Variants in VWDE observed in about 807,000 individuals in gnomAD.
VWDE encodes von Willebrand factor D and EGF domains.
A neutral mutation model predicts 178.4 loss-of-function variants in VWDE; 207 were observed. The ratio of observed to expected loss-of-function variants is 1.16; its 90% CI spans 1.04 to 1.30. The LOEUF (loss-of-function observed/expected upper bound fraction) is 1.30, where lower values mean the gene tolerates loss of function less well. Among genes scored for constraint, VWDE ranks in the 50% most tolerant of loss-of-function variants. The probability of loss-of-function intolerance (pLI) is 0.00; values close to 1 mark genes in which losing one functional copy is unlikely to be tolerated. For missense variants in VWDE, 2,287 were observed against 1,901.3 expected, an observed-to-expected ratio of 1.20 and a Z score of -3.77; for synonymous variants, 738 against 651.4, an observed-to-expected ratio of 1.13 and a Z score of -2.02.
intron 2 of VWDE, among the ~76,000 whole-genome samples, chr7:12,390,026 G>A (rs571413417): frequency 2.3e-4 from 35 of 152,166 alleles, no homozygotes; most frequent in African/African-American, 8.4e-4. Flanking sequence ...TTAGCCGGGT[G>A]TGGTGGCGTG....
At chr7:12,331,963 C>G (rs1448794781) in intron 28 of VWDE, among the ~76,000 whole-genome samples, 1 of 152,090 alleles carries the variant, frequency 6.6e-6, no homozygotes, top group African/African-American at 2.4e-5. Context: ...TCAGTAAGCT[C>G]CATTTCTTTT....
At chr7:12,388,798 T>G in intron 3 of VWDE, 1 of 414,906 alleles carries the variant, frequency 2.4e-6, no homozygotes, top group South Asian at 2.3e-5. Flanking sequence ...TTATGATAAC[T>G]TTTACTCACC....
chr7:12,343,284 A>T, intron 21 of VWDE, 106 bp from the exon 22 acceptor site: 1 of 734,948 alleles, frequency 1.4e-6, no homozygotes, highest in Middle Eastern at 3.2e-4. Context: ...AGTAATTTAT[A>T]ATACATTAAG....
At chr7:12,353,250 C>T (rs1212365047) in intron 18 of VWDE, among the ~76,000 whole-genome samples, 1 of 152,158 alleles carries the variant, frequency 6.6e-6, no homozygotes, top group Non-Finnish European at 1.5e-5. Context: ...GGCTTGAAGA[C>T]GGCCACTTTC....
Position 12,369,437 on chromosome 7 carries a change from T to C in VWDE, c.2761+108A>G, listed in dbSNP as rs188627679. On this transcript the variant is annotated intron_variant, in intron 12 of 28. Coordinates refer to ENST00000275358, the MANE Select transcript of VWDE (RefSeq NM_001135924.3). Reference sequence around the variant, plus strand: ...TAATATGATTTGGAGGTTTTCTCTATAAAATCTGAATAAACACTGTTAGGA... The same window carrying C: ...TAATATGATTTGGAGGTTTTCTCTACAAAATCTGAATAAACACTGTTAGGA... 23 of 1,338,882 alleles carry C rather than the reference T, an allele frequency of 1.7e-5. No individual in the cohort carries two copies. The Admixed American group carries it at 6.6e-4, about 39-fold the overall frequency. 82.9% of individuals were successfully genotyped at this position (1,338,882 alleles called of 1,614,324 possible).
intron 4 of VWDE, among the ~76,000 whole-genome samples, chr7:12,381,210 A>G (rs990352045): frequency 2.0e-5 from 3 of 152,164 alleles, no homozygotes; most frequent in African/African-American, 7.2e-5. Context: ...TGCAGAGGTG[A>G]TTATACTATC....
intron 23 of VWDE, among the ~76,000 whole-genome samples, chr7:12,341,333 T>C (rs1337852857): frequency 6.6e-6 from 1 of 152,128 alleles, no homozygotes; most frequent in African/African-American, 2.4e-5. Context: ...CAAACATTGC[T>C]GCCAAAGAAA....
chr7:12,353,961 G>C (rs892350651), intron 18 of VWDE: 1 of 153,646 alleles, frequency 6.5e-6, no homozygotes, highest in African/African-American at 2.4e-5. Context: ...TGCCTGGAAT[G>C]CCTTTCTCTC....
At chr7:12,366,690 A>C (rs1437677532) in intron 13 of VWDE, among the ~76,000 whole-genome samples, 3 of 152,226 alleles carry the variant, frequency 2.0e-5, no homozygotes, top group South Asian at 2.1e-4. Context: ...TTAGAGAAAA[A>C]GTAAGAAGAA....
intron 26 of VWDE, among the ~76,000 whole-genome samples, chr7:12,336,460 G>A (rs964223583): frequency 2.0e-5 from 3 of 152,246 alleles, no homozygotes; most frequent in South Asian, 4.1e-4. Flanking sequence ...TGAATGCGTC[G>A]TGATTTAACT....
At chr7:12,364,999 C>G (rs951641609) in intron 13 of VWDE, among the ~76,000 whole-genome samples, 1 of 152,004 alleles carries the variant, frequency 6.6e-6, no homozygotes, top group Non-Finnish European at 1.5e-5. Context: ...AAAAAAGGAA[C>G]ATTCCACAAA....
At position 12,370,050 on chromosome 7, in the gene VWDE, C is replaced by T. The variant is rs1263822038; in HGVS notation, c.2256G>A (p.Arg752=). ...AAGGAGGAAACTCATGAAAGTTCTG[C>T]CGTTTCCATCTGTTTTGTCGATTGT... is the stretch of plus-strand genomic sequence containing the variant. The part of the protein sequence containing the change: ...MRYNRQNRWK[R]QNFHEFPPLF... Residue 752 remains arginine, a synonymous_variant, in exon 12 of 29, where the codon CGG becomes CGA. Transcript: ENST00000275358. 15 of 1,551,504 alleles carry T rather than the reference C, an allele frequency of 9.7e-6. No homozygotes were observed. The East Asian group carries it at 3.7e-4, about 38-fold the overall frequency.
chr7:12,383,710 T>C lies in VWDE; in HGVS notation c.476-109A>G, dbSNP rs1168003385. On this transcript the variant is annotated intron_variant, in intron 3 of 28. Transcript: ENST00000275358. ...AGGATGATTTAATACAGACTAAGACTTTCTTAATTCTTCTCTTATTTCATA... is the reference window on the plus strand; with the variant it reads ...AGGATGATTTAATACAGACTAAGACCTTCTTAATTCTTCTCTTATTTCATA... 8 of 908,706 alleles carry C rather than the reference T, an allele frequency of 8.8e-6. No individual in the cohort carries two copies. In the East Asian group the frequency reaches 2.3e-4, roughly 26 times the overall value. 56.3% of individuals were successfully genotyped at this position (908,706 alleles called of 1,614,324 possible).
chr7:12,342,228 C>T (rs1160781246), intron 22 of VWDE, 74 bp from the exon 23 acceptor site: 1 of 1,088,534 alleles, frequency 9.2e-7, no homozygotes, highest in South Asian at 1.5e-5. Flanking sequence ...ATCTAGCTAG[C>T]TCATAACTGC....
chr7:12,356,304 C>A lies in VWDE; in HGVS notation c.3552G>T (p.Leu1184Phe), dbSNP rs1199369573. Residue 1184 changes from leucine (L) to phenylalanine (F), a missense_variant, in exon 18 of 29, where the codon TTG (leucine) becomes TTT (phenylalanine). Coordinates refer to ENST00000275358, the MANE Select transcript of VWDE (RefSeq NM_001135924.3). ...TATCAGATACACATGATCCACCATT[C>A]AAGCAATCACAAGACTTCACAGTCA... is the stretch of plus-strand genomic sequence containing the variant. The part of the protein sequence containing the change: ...IEVTVKSCDC[L>F]NGGSCVSDRN... The A allele has an allele frequency of 8.4e-6, 13 of 1,551,198 alleles. No individual in the cohort carries two copies. The highest frequency in any genetic ancestry group is 5.9e-5 in the Admixed American group (3 of 50,954).
Position 12,373,159 on chromosome 7 carries a change from TG to T in VWDE, c.1404del (p.Cys468Ter). ...DFEVHVRQWD[C>X]RSLHYPVSCN... ...CATGACACTGGATAGTGAAGGCTTCTGCAGTCCCACTGACGTACATGGACTT... is the reference window on the plus strand; with the variant it reads ...CATGACACTGGATAGTGAAGGCTTCTCAGTCCCACTGACGTACATGGACTT... On this transcript the variant is annotated frameshift_variant, in exon 10 of 29. Coordinates refer to ENST00000275358, the MANE Select transcript of VWDE (RefSeq NM_001135924.3). LOFTEE classifies it high-confidence loss of function. 1 of 1,551,430 alleles carries T rather than the reference TG, an allele frequency of 6.4e-7. No homozygotes were observed.
Position 12,373,069 on chromosome 7 carries a change from GCTGACCATTGCACATATCAAAAGTAA to G in VWDE, c.1469_1494del (p.Val490AlafsTer3). On this transcript the variant is annotated frameshift_variant, in exon 10 of 29. Coordinates refer to ENST00000275358, the MANE Select transcript of VWDE (RefSeq NM_001135924.3). LOFTEE classifies it high-confidence loss of function. ...AACAAATATGGTTGTGATTCACGTA[GCTGACCATTGCACATATCAAAAGTAA>G]CTATATCACCTCCTTCCTGGGCAAC... 6.4e-7 allele frequency: 1 copy of G among 1,551,172 alleles called. No homozygotes were observed. The highest frequency in any genetic ancestry group is 1.4e-5 in the African/African-American group (1 of 73,078).
rs1413369760 is a variant in VWDE, at chr7:12,354,293, TA to T, written c.3745+1817del. 7 of 373,890 alleles carry T rather than the reference TA, an allele frequency of 1.9e-5. No individual in the cohort carries two copies. The East Asian group carries it at 3.9e-4, about 21-fold the overall frequency. The allele number at this position is 373,890 out of a possible 1,614,324, so 23.2% of individuals were successfully genotyped here. On this transcript the variant is annotated intron_variant, in intron 18 of 28. Coordinates refer to ENST00000275358, the MANE Select transcript of VWDE (RefSeq NM_001135924.3). ...GAGTCAAAAACAGAAACTATGCTAT[TA>T]AAAAATAATTAACTGCAGCAAAAAA...
chr7:12,376,132 T>C (rs1415385839), intron 7 of VWDE, among the ~76,000 whole-genome samples: 2 of 151,996 alleles, frequency 1.3e-5, no homozygotes, highest in Non-Finnish European at 2.9e-5. Context: ...CCCATGCACA[T>C]AAAAAATAAC....
Sources: allele counts gnomAD v4.1 joint callset (sites outside exome capture counted in the v4.1 genomes callset), GRCh38; gene constraint gnomAD v4.1.1; transcripts MANE v1.5; gene names NCBI Gene and HGNC (gene_info 2026-07-23, HGNC 2026-07-21).